The following WDR27 variants were observed in gnomAD, a reference collection of about 807,000 sequenced individuals.
The protein encoded by WDR27 is WD repeat domain 27, also known as WD repeat-containing protein 27.
WDR27 carries 100 observed loss-of-function variants against 114.4 expected under a neutral mutation model. That is an observed-to-expected ratio of 0.87 (90% confidence interval 0.74 to 1.03). The LOEUF is 1.03. Among genes scored for constraint, WDR27 ranks in the 50% least tolerant of loss-of-function variants. WDR27 has a pLI of 0.00. For synonymous variants in WDR27, 449 were observed against 423.1 expected, an observed-to-expected ratio of 1.06 and a Z score of -0.75; for missense variants, 1,129 against 1,092.9, an observed-to-expected ratio of 1.03 and a Z score of -0.47.
intron 17 of WDR27, among the ~76,000 whole-genome samples, chr6:169,641,395 G>A (rs1295358396): frequency 6.6e-6 from 1 of 152,160 alleles, no homozygotes; most frequent in Non-Finnish European, 1.5e-5. Context: ...CTCTCCCCAC[G>A]ATCTCCTCAC....
At chr6:169,601,554 G>A (rs966711904) in intron 23 of WDR27, among the ~76,000 whole-genome samples, 3 of 152,190 alleles carry the variant, frequency 2.0e-5, no homozygotes, top group African/African-American at 4.8e-5. Context: ...ATACTAGAGC[G>A]ATGAGAAAAT....
chr6:169,570,690 G>C (rs561035282), intron 25 of WDR27, among the ~76,000 whole-genome samples: 14 of 152,158 alleles, frequency 9.2e-5, no homozygotes. Flanking sequence ...TTAGCCAGGC[G>C]TGGTGGCGGG....
chr6:169,547,113 T>A (rs1361971928), intron 25 of WDR27, among the ~76,000 whole-genome samples: 1 of 152,106 alleles, frequency 6.6e-6, no homozygotes, highest in East Asian at 1.9e-4. Flanking sequence ...AGACACAATA[T>A]GCCAAAACTC....
At chr6:169,430,878 G>A in the WDR27 span, among the ~76,000 whole-genome samples, 5 of 152,110 alleles carry the variant, frequency 3.3e-5, no homozygotes, top group African/African-American at 9.7e-5. Flanking sequence ...ATACATAGGC[G>A]GCCCCTCTCA....
intron 25 of WDR27, among the ~76,000 whole-genome samples, chr6:169,474,354 A>G (rs555007478): frequency 6.6e-6 from 1 of 152,360 alleles, no homozygotes; most frequent in Non-Finnish European, 1.5e-5. Context: ...TTGACAATAA[A>G]CAGCAGAAAC....
intron 25 of WDR27, among the ~76,000 whole-genome samples, chr6:169,540,325 C>A (rs568364893): frequency 1.3e-5 from 2 of 152,176 alleles, no homozygotes; most frequent in South Asian, 2.1e-4. Flanking sequence ...ATCATATATT[C>A]TTTTGTTTTC....
At chr6:169,520,716 G>A (rs1359569951) in intron 25 of WDR27, among the ~76,000 whole-genome samples, 1 of 152,068 alleles carries the variant, frequency 6.6e-6, no homozygotes, top group Non-Finnish European at 1.5e-5. Context: ...GAAAATCTTG[G>A]AACTGAGAAA....
chr6:169,584,141 A>G (rs1804113317), intron 23 of WDR27, among the ~76,000 whole-genome samples: 1 of 152,178 alleles, frequency 6.6e-6, no homozygotes, highest in South Asian at 2.1e-4. Flanking sequence ...GTTAAGATAC[A>G]GATTTCACAC....
At chr6:169,487,518 G>A (rs1037468651) in intron 25 of WDR27, among the ~76,000 whole-genome samples, 37 of 152,160 alleles carry the variant, frequency 2.4e-4, no homozygotes, top group African/African-American at 8.2e-4. Context: ...GAGTCGAGGC[G>A]CTTGAAAGGG....
intron 25 of WDR27, among the ~76,000 whole-genome samples, chr6:169,461,447 T>A (rs1750732036): frequency 6.6e-6 from 1 of 151,940 alleles, no homozygotes; most frequent in Non-Finnish European, 1.5e-5. Flanking sequence ...AATTTAGAAA[T>A]TGATAATATA....
At chr6:169,448,698 G>A in the WDR27 span, among the ~76,000 whole-genome samples, 3 of 152,166 alleles carry the variant, frequency 2.0e-5, no homozygotes, top group African/African-American at 7.2e-5. Flanking sequence ...GCACGTGGCC[G>A]TGTGGCCTAC....
intron 25 of WDR27, among the ~76,000 whole-genome samples, chr6:169,540,965 A>G (rs1176066359): frequency 6.6e-6 from 1 of 152,146 alleles, no homozygotes; most frequent in Non-Finnish European, 1.5e-5. Context: ...CTTGGACATG[A>G]ACACCATTTC....
At chr6:169,509,196 C>G in intron 25 of WDR27, among the ~76,000 whole-genome samples, 2 of 152,150 alleles carry the variant, frequency 1.3e-5, no homozygotes, top group East Asian at 3.9e-4. Context: ...TGAAAATGGC[C>G]ACACTGCCCA....
intron 6 of WDR27, chr6:169,666,831 A>G (rs75999653): frequency 0.071 from 69,481 of 985,416 alleles, 2,506 homozygotes; most frequent in East Asian, 0.097. Context: ...TTCTACAGAG[A>G]GCAGAAGGCT....
chr6:169,659,260 C>T lies in WDR27; in HGVS notation c.1198-53G>A, dbSNP rs188960089. The T allele has an allele frequency of 1.7e-5, 27 of 1,559,448 alleles. No homozygotes were observed. In the Admixed American group the frequency reaches 2.0e-4, roughly 12 times the overall value. ...AGCGACACCACCCAGTAAAAGCAGA[C>T]GAAACGTGCATCCGCACACGTATCC... On this transcript the variant is annotated intron_variant, in intron 11 of 25. Transcript: ENST00000448612. The surrounding 1 kb of genome is among the most constrained non-coding windows in gnomAD (Gnocchi z 4.3).
the WDR27 span, among the ~76,000 whole-genome samples, chr6:169,447,671 G>A: frequency 3.3e-4 from 50 of 152,144 alleles, no homozygotes; most frequent in Admixed American, 5.2e-4. Flanking sequence ...TGGGTGGACC[G>A]ACACAGGTGG....
At chr6:169,459,153 G>C (rs1377621366) in intron 25 of WDR27, among the ~76,000 whole-genome samples, 1 of 152,086 alleles carries the variant, frequency 6.6e-6, no homozygotes, top group African/African-American at 2.4e-5. Flanking sequence ...CACTTCTACA[G>C]CACAACGACT....
chr6:169,699,678 G>A (rs147708444), intron 1 of WDR27, among the ~76,000 whole-genome samples: 1 of 152,266 alleles, frequency 6.6e-6, no homozygotes, highest in African/African-American at 2.4e-5. Context: ...ACTAAGGGTA[G>A]AATCAAGGGC....
At chr6:169,551,264 T>A (rs537003192) in intron 25 of WDR27, among the ~76,000 whole-genome samples, 329 of 152,222 alleles carry the variant, frequency 2.2e-3, no homozygotes, top group African/African-American at 7.3e-3. Context: ...CTGGGACTCA[T>A]AAGGCTCCAA....
Sources: gnomAD v4.1 joint callset for allele counts (sites outside exome capture counted in the v4.1 genomes callset) on GRCh38, gnomAD v4.1.1 for gene constraint, Gnocchi (gnomAD v3.1) non-coding constraint, MANE v1.5 for transcripts, NCBI Gene and HGNC (gene_info 2026-07-23, HGNC 2026-07-21) for gene names.